Variants in TRMT5 observed in about 807,000 individuals in gnomAD.
TRMT5 encodes tRNA (guanine(37)-N(1))-methyltransferase.
In TRMT5, 31 loss-of-function variants were observed where a neutral mutation model predicts 42.2. The observed-to-expected ratio is 0.73, with a 90% CI of 0.55 to 0.99. The LOEUF (loss-of-function observed/expected upper bound fraction) is 0.99. TRMT5 is among the 50% of genes least tolerant of loss of function. The pLI, the probability that TRMT5 is intolerant of heterozygous loss-of-function variation, is 0.00. For synonymous variants in TRMT5, 198 were observed against 209.6 expected (o/e 0.94, Z 0.48); for missense variants, 568 against 595.0 (o/e 0.95, Z 0.47).
rs1263852360 is a variant in TRMT5, at chr14:60,981,050, G to T, written c.-77C>A. On this transcript the variant is annotated 5_prime_UTR_variant, in exon 1 of 5. Transcript: ENST00000261249. ...TCCCGCTCCGGTACCGATCGGATGT[G>T]GGTCGCGGGTGGATGGGCGGGTCTT... 3 of 1,608,698 alleles carry T rather than the reference G, an allele frequency of 1.9e-6. No homozygotes were observed. Among genetic ancestry groups the T allele is most frequent in the Admixed American group, 3.3e-5 (2 of 60,026 alleles).
chr14:60,973,496 C>G lies in TRMT5; in HGVS notation c.*1613G>C, dbSNP rs1476612099. On this transcript the variant is annotated 3_prime_UTR_variant, in exon 5 of 5. Transcript: ENST00000261249. Reference sequence around the variant, plus strand: ...ACACCACCAAGGGGATAGTGCTAAACCATTCACGAGGGCCACATATAAGGG... The same window carrying G: ...ACACCACCAAGGGGATAGTGCTAAAGCATTCACGAGGGCCACATATAAGGG... 6.6e-6 allele frequency: 1 copy of G among 152,188 alleles called. No homozygotes were observed. Among genetic ancestry groups the G allele is most frequent in the Non-Finnish European group, 1.5e-5 (1 of 68,070 alleles). The allele number at this position is 152,188 out of a possible 1,614,324, so 9.4% of individuals were successfully genotyped here. A position where few individuals can be genotyped will look rare whatever the true frequency, so the allele number is the denominator to read the frequency against.
chr14:60,975,769 C>T lies in TRMT5; in HGVS notation c.1150G>A (p.Val384Ile), dbSNP rs146865349. 218 of 1,614,220 alleles carry T rather than the reference C, an allele frequency of 1.4e-4. No homozygotes were observed. The African/African-American group carries it at 2.6e-3, about 19-fold the overall frequency. ...GCTTTTGCTGGCAAGTTCATGACAA[C>T]GTGCACAGAGGGTTTTCTTTCTTTT... ...LSKERKPSVH[V>I]VMNLPAKAIE... Residue 384 changes from valine to isoleucine, a missense_variant, in exon 4 of 5, where the codon GTT becomes ATT. Physicochemically the swap from Val to Ile is conservative, Grantham distance 29 (BLOSUM62 3). Transcript: ENST00000261249.
In TRMT5 at chr14:60,976,068, C is replaced by T. The variant is rs375136664; in HGVS notation, c.851G>A (p.Arg284His). 8 of 1,613,674 alleles carry T rather than the reference C, an allele frequency of 5.0e-6. No individual in the cohort carries two copies. The highest frequency in any genetic ancestry group is 2.7e-5 in the African/African-American group (2 of 74,894). The part of the protein sequence containing the change: ...FDFSKVYWNP[R>H]LSTEHSRITE... ...GATACGGCTGTGTTCTGTAGACAGACGAGGATTCCAATAGACTTTTGAAAA... is the reference window on the plus strand; with the variant it reads ...GATACGGCTGTGTTCTGTAGACAGATGAGGATTCCAATAGACTTTTGAAAA... The change falls in exon 4 of 5, where the codon CGT becomes CAT. Residue 284 changes from arginine (R) to histidine (H), a missense_variant. By Grantham distance (29) the Arg-to-His change is conservative. Coordinates refer to ENST00000261249, the MANE Select transcript of TRMT5 (RefSeq NM_020810.3).
At chr14:60,978,818 G>C (rs1292385315) in intron 2 of TRMT5, among the ~76,000 whole-genome samples, 2 of 152,120 alleles carry the variant, frequency 1.3e-5, no homozygotes, top group African/African-American at 4.8e-5. Flanking sequence ...TATAGAAGAG[G>C]CTCAATTGGT....
rs1352287283 is a variant in TRMT5 at position 60,974,897 on chromosome 14, TATAAA to T, written c.*207_*211del. 2 of 298,642 alleles carry T rather than the reference TATAAA, an allele frequency of 6.7e-6. No individual in the cohort carries two copies. Among genetic ancestry groups the T allele is most frequent in the Non-Finnish European group, 1.2e-5 (2 of 160,578 alleles). 18.5% of individuals were successfully genotyped at this position (298,642 alleles called of 1,614,324 possible). On this transcript the variant is annotated 3_prime_UTR_variant, in exon 5 of 5. Coordinates refer to ENST00000261249, the MANE Select transcript of TRMT5 (RefSeq NM_020810.3). ...CCAATAAAAATTAGATATATTTTGT[TATAAA>T]ATAATTGTATGTTATAATTTAGATA...
chr14:60,979,074 C>A (rs1446388408), intron 2 of TRMT5, among the ~76,000 whole-genome samples, 157 bp downstream of exon 2: 2 of 152,050 alleles, frequency 1.3e-5, no homozygotes, highest in East Asian at 3.8e-4. Flanking sequence ...CAAAATGGCC[C>A]TCAAAAGAGG....
intron 1 of TRMT5, 114 bp downstream of exon 1, chr14:60,980,849 C>CG: frequency 2.7e-6 from 4 of 1,502,076 alleles, no homozygotes; most frequent in Non-Finnish European, 3.7e-6. Context: ...AGCACCTAGG[C>CG]GGGTGGGTGA....
intron 2 of TRMT5, among the ~76,000 whole-genome samples, chr14:60,978,403 T>A (rs2036875119): frequency 6.6e-6 from 1 of 152,212 alleles, no homozygotes; most frequent in Non-Finnish European, 1.5e-5. Context: ...TTTTTTAATA[T>A]AGTATCAATA....
chr14:60,978,522 A>G (rs1002439956), intron 2 of TRMT5, among the ~76,000 whole-genome samples: 1 of 152,214 alleles, frequency 6.6e-6, no homozygotes, highest in Admixed American at 6.5e-5. Context: ...ATTTTTAAAA[A>G]CTATTCTGAA....
rs2036812814 is a variant in TRMT5, at chr14:60,974,069, A to G, written c.*1040T>C. ...ATATAGATGCTTTGTCGTCTAATTC[A>G]ACATCAAAATAATTCACACCCTACT... is the stretch of plus-strand genomic sequence containing the variant. On this transcript the variant is annotated 3_prime_UTR_variant, in exon 5 of 5. Transcript: ENST00000261249. The G allele has an allele frequency of 6.6e-6, 1 of 152,258 alleles. No individual in the cohort carries two copies. Among genetic ancestry groups the G allele is most frequent in the African/African-American group, 2.4e-5 (1 of 41,470 alleles). 9.4% of individuals were successfully genotyped at this position (152,258 alleles called of 1,614,324 possible).
Position 60,973,224 on chromosome 14 carries a change from G to T in TRMT5, c.*1885C>A, listed in dbSNP as rs182580028. 26 of 152,250 alleles carry T rather than the reference G, an allele frequency of 1.7e-4. No individual in the cohort carries two copies. The highest frequency in any genetic ancestry group is 1.0e-3 in the Admixed American group (16 of 15,290). 9.4% of individuals were successfully genotyped at this position (152,250 alleles called of 1,614,324 possible). A position where few individuals can be genotyped will look rare whatever the true frequency, so the allele number is the denominator to read the frequency against. On this transcript the variant is annotated 3_prime_UTR_variant, in exon 5 of 5. Transcript: ENST00000261249. Reference sequence around the variant, plus strand: ...TTGTGTTTTAGGCCATTCTTGCATTGCTATAAAGAAATACTTGATACTGGG... The same window carrying T: ...TTGTGTTTTAGGCCATTCTTGCATTTCTATAAAGAAATACTTGATACTGGG...
chr14:60,980,202 T>C (rs1321172538), intron 1 of TRMT5, among the ~76,000 whole-genome samples: 1 of 152,214 alleles, frequency 6.6e-6, no homozygotes, highest in Non-Finnish European at 1.5e-5. Flanking sequence ...AAGACTGAAG[T>C]ATGAGTTAAA....
chr14:60,981,292 G>A (rs751058053), upstream of TRMT5: 3 of 1,607,296 alleles, frequency 1.9e-6, no homozygotes, highest in East Asian at 6.7e-5. Flanking sequence ...AGGCGTCCTG[G>A]GGGAGCTTCA....
rs1438220066 is a variant in TRMT5, at chr14:60,971,636, T to C, written c.*3473A>G. The C allele has an allele frequency of 5.3e-6, 1 of 187,564 alleles. No homozygotes were observed. Among genetic ancestry groups the C allele is most frequent in the Non-Finnish European group, 1.1e-5 (1 of 93,450 alleles). 11.6% of individuals were successfully genotyped at this position (187,564 alleles called of 1,614,324 possible). On this transcript the variant is annotated 3_prime_UTR_variant, in exon 5 of 5. Transcript: ENST00000261249. ...CATCTGATGCTCTGAACAGGGAAAG[T>C]TTAGAGGGTTAACATTTCACATTTA...
intron 2 of TRMT5, among the ~76,000 whole-genome samples, chr14:60,977,844 T>G (rs1024841720): frequency 1.3e-5 from 2 of 152,194 alleles, no homozygotes; most frequent in African/African-American, 4.8e-5. Flanking sequence ...CACAAAATGT[T>G]GGGTACATTT....
At position 60,981,055 on chromosome 14, in the gene TRMT5, G is replaced by T; in HGVS notation, c.-82C>A. 6.2e-7 allele frequency: 1 copy of T among 1,608,060 alleles called. No individual in the cohort carries two copies. The highest frequency in any genetic ancestry group is 1.3e-5 in the African/African-American group (1 of 75,046). On this transcript the variant is annotated 5_prime_UTR_variant, in exon 1 of 5. Coordinates refer to ENST00000261249, the MANE Select transcript of TRMT5 (RefSeq NM_020810.3). ...CTCCGGTACCGATCGGATGTGGGTCGCGGGTGGATGGGCGGGTCTTCTATG... is the reference window on the plus strand; with the variant it reads ...CTCCGGTACCGATCGGATGTGGGTCTCGGGTGGATGGGCGGGTCTTCTATG...
chr14:60,974,080 AATTCACACCCT>A lies in TRMT5; in HGVS notation c.*1018_*1028del, dbSNP rs1354156714. 1 of 152,228 alleles carries A rather than the reference AATTCACACCCT, an allele frequency of 6.6e-6. No homozygotes were observed. The highest frequency in any genetic ancestry group is 2.4e-5 in the African/African-American group (1 of 41,466). 9.4% of individuals were successfully genotyped at this position (152,228 alleles called of 1,614,324 possible). ...TTGTCGTCTAATTCAACATCAAAAT[AATTCACACCCT>A]ACTGTACTTTAAAAATAACAACAAA... On this transcript the variant is annotated 3_prime_UTR_variant, in exon 5 of 5. Transcript: ENST00000261249.
rs2139640103 is a variant in TRMT5 at position 60,975,366 on chromosome 14, T to C, written c.1444+109A>G. 4.9e-6 allele frequency: 7 copies of C among 1,415,116 alleles called. No individual in the cohort carries two copies. In the East Asian group the frequency reaches 1.6e-4, roughly 32 times the overall value. 87.7% of individuals were successfully genotyped at this position (1,415,116 alleles called of 1,614,324 possible). A position where few individuals can be genotyped will look rare whatever the true frequency, so the allele number is the denominator to read the frequency against. ...CTTCTATTAGACTGAACTAACACAG[T>C]AGCTTTCTATTAGACTGAACTAATA... On this transcript the variant is annotated intron_variant, in intron 4 of 4. Transcript: ENST00000261249.
In TRMT5 at chr14:60,979,739, T is replaced by C. The variant is rs1159192096; in HGVS notation, c.159A>G (p.Gln53=). The change falls in exon 2 of 5, where the codon CAA becomes CAG. Residue 53 remains glutamine, a synonymous_variant. Coordinates refer to ENST00000261249, the MANE Select transcript of TRMT5 (RefSeq NM_020810.3). ...LEAPGIFLLG[Q]RKRFSTMPET... ...CTGGCATGGTTGAGAATCTTTTTCT[T>C]TGACCCAATAAGAAAATACCAGGTG... 3.7e-6 allele frequency: 6 copies of C among 1,614,020 alleles called. No individual in the cohort carries two copies. The highest frequency in any genetic ancestry group is 5.1e-6 in the Non-Finnish European group (6 of 1,180,026).
Sources: allele counts gnomAD v4.1 joint callset (sites outside exome capture counted in the v4.1 genomes callset), GRCh38; gene constraint gnomAD v4.1.1; transcripts MANE v1.5; gene names NCBI Gene and HGNC (gene_info 2026-07-23, HGNC 2026-07-21).